Variants in ATP11B observed in about 807,000 individuals in gnomAD.
ATP11B encodes ATPase phospholipid transporting 11B (putative).
ATP11B carries 81 observed loss-of-function variants against 157.8 expected under a neutral mutation model. That is an observed-to-expected ratio of 0.51 (90% CI 0.43 to 0.62). ATP11B has a LOEUF of 0.62. ATP11B is among the 20% of genes least tolerant of loss of function. The pLI is 0.00. For missense variants in ATP11B, 1,165 were observed against 1,402.2 expected, an observed-to-expected ratio of 0.83 and a Z score of 2.70; for synonymous variants, 451 against 469.4, an observed-to-expected ratio of 0.96 and a Z score of 0.51.
chr3:182,876,984 A>G (rs1346449207), intron 19 of ATP11B, among the ~76,000 whole-genome samples: 2 of 152,240 alleles, frequency 1.3e-5, no homozygotes, highest in Non-Finnish European at 2.9e-5. Context: ...CTAAATCTTG[A>G]TAAAAATCTG....
chr3:182,850,660 A>G (rs770558641), intron 10 of ATP11B, among the ~76,000 whole-genome samples: 19 of 152,214 alleles, frequency 1.2e-4, no homozygotes, highest in Non-Finnish European at 2.8e-4. Flanking sequence ...GATAGCCACT[A>G]TGGAAAATAG....
At chr3:182,848,090 C>T (rs1206538834) in intron 9 of ATP11B, among the ~76,000 whole-genome samples, 1 of 152,200 alleles carries the variant, frequency 6.6e-6, no homozygotes, top group Non-Finnish European at 1.5e-5. Flanking sequence ...GGCCATAGTC[C>T]ATTGTCCCAA....
chr3:182,884,291 A>G (rs1577074108), intron 21 of ATP11B, among the ~76,000 whole-genome samples: 1 of 152,144 alleles, frequency 6.6e-6, no homozygotes, highest in African/African-American at 2.4e-5. Flanking sequence ...TAAAAAGTGC[A>G]CTTTGACTTA....
intron 1 of ATP11B, among the ~76,000 whole-genome samples, chr3:182,805,790 T>C (rs955502035): frequency 6.6e-6 from 1 of 152,052 alleles, no homozygotes; most frequent in African/African-American, 2.4e-5. Flanking sequence ...ATTTCTTGTG[T>C]TTTAAAAAAA....
At position 182,918,137 on chromosome 3, in the gene ATP11B, C is replaced by T. The variant is rs1325648384; in HGVS notation, c.*33C>T. The T allele has an allele frequency of 1.2e-6, 2 of 1,609,414 alleles. No individual in the cohort carries two copies. Among genetic ancestry groups the T allele is most frequent in the Non-Finnish European group, 8.5e-7 (1 of 1,177,882 alleles). On this transcript the variant is annotated 3_prime_UTR_variant, in exon 30 of 30. Coordinates refer to ENST00000323116, the MANE Select transcript of ATP11B (RefSeq NM_014616.3). ...GTAGTACTTTGTGGGAGCCAGTTCACCTCCTTTCCTAAAATTCAGTGTGAT... is the reference window on the plus strand; with the variant it reads ...GTAGTACTTTGTGGGAGCCAGTTCATCTCCTTTCCTAAAATTCAGTGTGAT...
chr3:182,817,936 A>C (rs144826933), intron 1 of ATP11B, among the ~76,000 whole-genome samples: 1 of 152,150 alleles, frequency 6.6e-6, no homozygotes, highest in African/African-American at 2.4e-5. Flanking sequence ...GAGGCCCTGA[A>C]ATTTACTTTC....
At position 182,897,301 on chromosome 3, in the gene ATP11B, A is replaced by T; in HGVS notation, c.3049-2A>T. On this transcript the variant is annotated splice_acceptor_variant, in intron 26 of 29. Coordinates refer to ENST00000323116, the MANE Select transcript of ATP11B (RefSeq NM_014616.3). LOFTEE classifies it high-confidence loss of function. ...TCTAAGGATATAAAAACTTTTTTTT[A>T]GATGGCTCTGGAAACTCATTTTTGG... 6.5e-7 allele frequency: 1 copy of T among 1,541,536 alleles called. No individual in the cohort carries two copies. The highest frequency in any genetic ancestry group is 8.7e-7 in the Non-Finnish European group (1 of 1,152,858).
intron 1 of ATP11B, among the ~76,000 whole-genome samples, chr3:182,796,675 A>G (rs1715617396): frequency 6.6e-6 from 1 of 152,012 alleles, no homozygotes; most frequent in Non-Finnish European, 1.5e-5. Context: ...CAGATGCTGA[A>G]TACCAGGGAT....
At chr3:182,849,354 C>T (rs1029933439) in intron 10 of ATP11B, among the ~76,000 whole-genome samples, 4 of 151,978 alleles carry the variant, frequency 2.6e-5, no homozygotes, top group African/African-American at 9.7e-5. Flanking sequence ...AGACTGTCTA[C>T]AATGTATTAT....
intron 28 of ATP11B, among the ~76,000 whole-genome samples, chr3:182,910,073 G>GAA (rs34483660): frequency 3.2e-4 from 20 of 63,340 alleles, no homozygotes; most frequent in Non-Finnish European, 4.1e-4. Context: ...TCGGCCTCCA[G>GAA]AAAAAAAAAA....
chr3:182,853,197 A>T (rs541040091), intron 10 of ATP11B, among the ~76,000 whole-genome samples: 1 of 152,130 alleles, frequency 6.6e-6, no homozygotes, highest in Non-Finnish European at 1.5e-5. Flanking sequence ...AAGGTAAATA[A>T]AGAGAAACCT....
At chr3:182,896,849 A>G (rs920254616) in intron 26 of ATP11B, 84 bp downstream of exon 26, 2 of 912,014 alleles carry the variant, frequency 2.2e-6, no homozygotes, top group South Asian at 2.0e-5. Flanking sequence ...TTAGCCATAG[A>G]TACTTTCCCT....
chr3:182,832,701 A>G (rs573170619), intron 4 of ATP11B, among the ~76,000 whole-genome samples: 96 of 152,266 alleles, frequency 6.3e-4, no homozygotes, highest in Non-Finnish European at 1.1e-3. Flanking sequence ...TCCCAACTGT[A>G]TTTACATATT....
chr3:182,869,059 C>A lies in ATP11B; in HGVS notation c.1689-19C>A, dbSNP rs758659840. 2.1e-5 allele frequency: 32 copies of A among 1,548,154 alleles called. No homozygotes were observed. Among genetic ancestry groups the A allele is most frequent in the Admixed American group, 7.7e-5 (4 of 51,774 alleles). On this transcript the variant is annotated intron_variant, in intron 15 of 29. Transcript: ENST00000323116. ...TAAAAAAAGTAAAGTTTTTGTCTTT[C>A]TTACTTTCTTTTGTTTAGGTACAAA...
intron 29 of ATP11B, chr3:182,916,754 G>A: frequency 1.0e-6 from 1 of 984,858 alleles, no homozygotes. Context: ...TACCTAATAA[G>A]ATTATTCTGT....
intron 1 of ATP11B, among the ~76,000 whole-genome samples, chr3:182,813,760 C>A (rs528317666): frequency 6.6e-6 from 1 of 152,024 alleles, no homozygotes; most frequent in African/African-American, 2.4e-5. Context: ...CAGGGTCTTA[C>A]TCTGTTGCCC....
chr3:182,841,421 C>T (rs750209821), intron 7 of ATP11B, among the ~76,000 whole-genome samples: 12 of 151,990 alleles, frequency 7.9e-5, no homozygotes, highest in African/African-American at 1.4e-4. Flanking sequence ...GTGTATTTGT[C>T]GACAGTTGAT....
At chr3:182,821,415 G>C (rs1180051750) in intron 2 of ATP11B, among the ~76,000 whole-genome samples, 2 of 152,080 alleles carry the variant, frequency 1.3e-5, no homozygotes, top group Non-Finnish European at 2.9e-5. Context: ...CCATAGATTG[G>C]AATTTAAACT....
intron 25 of ATP11B, among the ~76,000 whole-genome samples, chr3:182,893,173 T>C (rs1723287577): frequency 6.6e-6 from 1 of 152,236 alleles, no homozygotes; most frequent in Non-Finnish European, 1.5e-5. Context: ...AGTAATCTTT[T>C]TATTTTTTAA....
Sources: allele counts gnomAD v4.1 joint callset (sites outside exome capture counted in the v4.1 genomes callset), GRCh38; gene constraint gnomAD v4.1.1; transcripts MANE v1.5; gene names NCBI Gene and HGNC (gene_info 2026-07-23, HGNC 2026-07-21).